LRRC57: variants seen among roughly 807,000 people sequenced by gnomAD.
The protein encoded by LRRC57 is leucine-rich repeat-containing protein 57.
In LRRC57, 14 loss-of-function variants were observed where a neutral mutation model predicts 23.1. That is an observed-to-expected ratio of 0.61 (90% confidence interval 0.40 to 0.95). The LOEUF is 0.95. LRRC57 is among the 40% of genes least tolerant of loss of function. The pLI is 0.00. For missense variants in LRRC57, 236 were observed against 284.4 expected (o/e 0.83, Z 1.22); for synonymous variants, 106 against 115.2 (o/e 0.92, Z 0.51).
chr15:42,537,261 ACACG>A (rs1555381695), downstream of LRRC57, among the ~76,000 whole-genome samples: 3 of 148,174 alleles, frequency 2.0e-5, no homozygotes, highest in East Asian at 2.0e-4. Flanking sequence ...ACACACACAC[ACACG>A]CACGCACACA....
chr15:42,537,706 A>G (rs1023391043), downstream of LRRC57: 3 of 152,242 alleles, frequency 2.0e-5, no homozygotes, highest in African/African-American at 7.2e-5. Flanking sequence ...CTATTCAGCC[A>G]TAAAAAGAAT....
downstream of LRRC57, among the ~76,000 whole-genome samples, chr15:42,536,095 T>C (rs151212636): frequency 4.1e-4 from 63 of 152,296 alleles, no homozygotes; most frequent in African/African-American, 1.4e-3. Context: ...TGCCATCTTA[T>C]ATTGGCATGG....
chr15:42,535,135 C>A (rs760374735), downstream of LRRC57, among the ~76,000 whole-genome samples: 1 of 152,200 alleles, frequency 6.6e-6, no homozygotes, highest in Non-Finnish European at 1.5e-5. Context: ...ATTGAAAAAT[C>A]TATTGTTTAC....
rs2057627312 is a variant in LRRC57 at position 42,541,161 on chromosome 15, A to G, written c.*2922T>C. 6.6e-6 allele frequency: 1 copy of G among 152,188 alleles called. No individual in the cohort carries two copies. The highest frequency in any genetic ancestry group is 2.1e-4 in the South Asian group (1 of 4,828). The allele number at this position is 152,188 out of a possible 1,614,324, so 9.4% of individuals were successfully genotyped here. A position where few individuals can be genotyped will look rare whatever the true frequency, so the allele number is the denominator to read the frequency against. On this transcript the variant is annotated 3_prime_UTR_variant, in exon 6 of 6. Coordinates refer to ENST00000397130, the MANE Select transcript of LRRC57 (RefSeq NM_153260.3). ...AAAATTTAGAAAAAACAAAACTCCT[A>G]AACTGGTATGGATAAACTAGTACCC...
chr15:42,537,276 T>C (rs915725344), downstream of LRRC57, among the ~76,000 whole-genome samples: 1 of 132,566 alleles, frequency 7.5e-6, no homozygotes, highest in South Asian at 2.2e-4. Flanking sequence ...CACGCACACA[T>C]GGCCAAGAGG....
downstream of LRRC57, among the ~76,000 whole-genome samples, chr15:42,533,405 G>A (rs114165493): frequency 8.5e-5 from 13 of 152,242 alleles, no homozygotes; most frequent in African/African-American, 2.9e-4. Context: ...GGCTAAAGAG[G>A]AAAATATTTA....
chr15:42,544,260 C>A, intron 5 of LRRC57, 136 bp from the exon 6 acceptor site: 1 of 665,856 alleles, frequency 1.5e-6, no homozygotes. Context: ...GCTGTAAATG[C>A]AAAATGAATT....
the LRRC57 span, among the ~76,000 whole-genome samples, chr15:42,529,252 A>G: frequency 1.3e-5 from 2 of 152,108 alleles, no homozygotes; most frequent in Non-Finnish European, 2.9e-5. Flanking sequence ...TAGTTTTCCA[A>G]CCTCTCTCTT....
the LRRC57 span, chr15:42,532,729 T>A: frequency 6.5e-6 from 1 of 152,682 alleles, no homozygotes; most frequent in Non-Finnish European, 1.5e-5. Flanking sequence ...AGGAAAGTCA[T>A]TTTGACCTCA....
downstream of LRRC57, among the ~76,000 whole-genome samples, chr15:42,534,360 A>T (rs2057589310): frequency 6.6e-6 from 1 of 151,540 alleles, no homozygotes; most frequent in Non-Finnish European, 1.5e-5. Context: ...CGAACTCCTG[A>T]CCTTGTGATC....
At chr15:42,529,651 G>A in the LRRC57 span, 6 of 1,606,260 alleles carry the variant, frequency 3.7e-6, no homozygotes, top group Non-Finnish European at 5.1e-6. Flanking sequence ...AAAACCTATG[G>A]AATTAACTGT....
Position 42,542,100 on chromosome 15 carries a change from G to A in LRRC57, c.*1983C>T, listed in dbSNP as rs990979710. Reference sequence around the variant, plus strand: ...AGACGCAGTCTCACTCTATTGCCCAGGCTGGAGTTCAATGGCACCCTCACT... The same window carrying A: ...AGACGCAGTCTCACTCTATTGCCCAAGCTGGAGTTCAATGGCACCCTCACT... On this transcript the variant is annotated 3_prime_UTR_variant, in exon 6 of 6. Coordinates refer to ENST00000397130, the MANE Select transcript of LRRC57 (RefSeq NM_153260.3). 5.8e-5 allele frequency: 8 copies of A among 138,280 alleles called. No homozygotes were observed. The highest frequency in any genetic ancestry group is 1.9e-4 in the African/African-American group (7 of 36,414). 8.6% of individuals were successfully genotyped at this position (138,280 alleles called of 1,614,324 possible).
chr15:42,535,939 G>A (rs990940890), downstream of LRRC57, among the ~76,000 whole-genome samples: 2 of 152,106 alleles, frequency 1.3e-5, no homozygotes, highest in African/African-American at 2.4e-5. Context: ...TTAGCCAGGT[G>A]TGGTGGTGCA....
chr15:42,537,233 T>TCACACACACACACACACACACACA (rs71108166), downstream of LRRC57, among the ~76,000 whole-genome samples: 1 of 136,502 alleles, frequency 7.3e-6, no homozygotes, highest in African/African-American at 3.0e-5. Context: ...TCTCTCTCTC[T>TCACACACACACACACACACACACA]CACACACACA....
intron 3 of LRRC57, 188 bp downstream of exon 3, chr15:42,547,918 C>T (rs1372334820): frequency 6.5e-6 from 4 of 611,170 alleles, no homozygotes; most frequent in Non-Finnish European, 1.1e-5. Context: ...CATTATAACA[C>T]CCAATCATTA....
chr15:42,540,579 G>C lies in LRRC57; in HGVS notation c.*3504C>G, dbSNP rs979115580. The C allele has an allele frequency of 6.6e-6, 1 of 152,152 alleles. No homozygotes were observed. Among genetic ancestry groups the C allele is most frequent in the Non-Finnish European group, 1.5e-5 (1 of 68,054 alleles). 9.4% of individuals were successfully genotyped at this position (152,152 alleles called of 1,614,324 possible). A position where few individuals can be genotyped will look rare whatever the true frequency, so the allele number is the denominator to read the frequency against. ...CAGAAAAGACTGCACTGTGGGTTTA[G>C]AGAGAATAATCTGATATGGGTGGGC... On this transcript the variant is annotated 3_prime_UTR_variant, in exon 6 of 6. Coordinates refer to ENST00000397130, the MANE Select transcript of LRRC57 (RefSeq NM_153260.3).
chr15:42,534,381 T>A (rs7181940), downstream of LRRC57, among the ~76,000 whole-genome samples: 149,554 of 152,206 alleles, frequency 0.98, 73,518 homozygotes, highest in East Asian at 1. Context: ...TACCCGCCTC[T>A]GCCTCCGAAA....
At position 42,539,200 on chromosome 15, in the gene LRRC57, T is replaced by TG. The variant is rs1167892759; in HGVS notation, c.*4882dup. On this transcript the variant is annotated 3_prime_UTR_variant, in exon 6 of 6. Coordinates refer to ENST00000397130, the MANE Select transcript of LRRC57 (RefSeq NM_153260.3). ...CCTGTCTCAAAAAATACATATAGGCTGGGCGTGGTGGCTAACACCTGTAAT... is the reference window on the plus strand; with the variant it reads ...CCTGTCTCAAAAAATACATATAGGCTGGGGCGTGGTGGCTAACACCTGTAAT... 3 of 151,298 alleles carry TG rather than the reference T, an allele frequency of 2.0e-5. No homozygotes were observed. The East Asian group carries it at 5.9e-4, about 30-fold the overall frequency. 9.4% of individuals were successfully genotyped at this position (151,298 alleles called of 1,614,324 possible).
At chr15:42,548,572 G>T in intron 1 of LRRC57, 116 bp from the exon 2 acceptor site, 2 of 790,124 alleles carry the variant, frequency 2.5e-6, no homozygotes, top group Non-Finnish European at 4.0e-6. Flanking sequence ...CCCGACCCAA[G>T]AGCGACAAGG....
Sources: allele counts gnomAD v4.1 joint callset (sites outside exome capture counted in the v4.1 genomes callset), GRCh38; gene constraint gnomAD v4.1.1; transcripts MANE v1.5; gene names NCBI Gene and HGNC (gene_info 2026-07-23, HGNC 2026-07-21).